Variants in FSHR observed in about 807,000 individuals in gnomAD.
The protein encoded by FSHR is follicle-stimulating hormone receptor.
In FSHR, 46 loss-of-function variants were observed where a neutral mutation model predicts 52.1. The observed-to-expected ratio is 0.88, with a 90% CI of 0.70 to 1.13. The LOEUF (loss-of-function observed/expected upper bound fraction) is 1.13. FSHR is among the 50% of genes most tolerant of loss of function. The pLI is 0.00. For synonymous variants in FSHR, 399 were observed against 309.6 expected (o/e 1.29, Z -3.03); for missense variants, 964 against 834.6 (o/e 1.16, Z -1.91).
At chr2:49,150,649 A>G (rs148779737) in intron 1 of FSHR, among the ~76,000 whole-genome samples, 1 of 151,982 alleles carries the variant, frequency 6.6e-6, no homozygotes, top group Non-Finnish European at 1.5e-5. Flanking sequence ...CAGGTCTCTC[A>G]GATTCTAAAC....
rs114341542 is a variant in FSHR at position 48,992,548 on chromosome 2, G to A, written c.375-1911C>T. On this transcript the variant is annotated intron_variant, in intron 4 of 9. Coordinates refer to ENST00000406846, the MANE Select transcript of FSHR (RefSeq NM_000145.4). Reference sequence around the variant, plus strand: ...CTATCTCTTCAGTGCCTCTTTCAGCGATACGAAGTTAAAACCAGGTACTGT... The same window carrying A: ...CTATCTCTTCAGTGCCTCTTTCAGCAATACGAAGTTAAAACCAGGTACTGT... Among the ~76,000 whole-genome samples, 675 of 152,264 alleles carry A rather than the reference G, an allele frequency of 4.4e-3. 5 individuals carry two copies. Among genetic ancestry groups the A allele is most frequent in the African/African-American group, 0.015 (617 of 41,530 alleles).
chr2:49,117,718 C>T (rs565931501), intron 1 of FSHR, among the ~76,000 whole-genome samples: 1 of 152,296 alleles, frequency 6.6e-6, no homozygotes, highest in South Asian at 2.1e-4. Flanking sequence ...AACCTCTTCA[C>T]TCCTGCCTCG....
Position 49,073,601 on chromosome 2 carries a change from G to A in FSHR, c.153-5311C>T, listed in dbSNP as rs947060138. 6.6e-5 allele frequency among the ~76,000 whole-genome samples: 10 copies of A among 152,088 alleles called. No homozygotes were observed. The South Asian group carries it at 1.9e-3, about 28-fold the overall frequency. On this transcript the variant is annotated intron_variant, in intron 1 of 9. Coordinates refer to ENST00000406846, the MANE Select transcript of FSHR (RefSeq NM_000145.4). ...TTCATGGATCAGAATAATTAATATTGTTAAAATGACTATACCACCCAAAGC... is the reference window on the plus strand; with the variant it reads ...TTCATGGATCAGAATAATTAATATTATTAAAATGACTATACCACCCAAAGC...
chr2:49,015,217 T>C (rs995438888), intron 4 of FSHR, among the ~76,000 whole-genome samples: 3 of 152,142 alleles, frequency 2.0e-5, no homozygotes, highest in South Asian at 4.1e-4. Flanking sequence ...GAATTCATAG[T>C]TTTTCATATA....
chr2:49,027,850 CAAAAAAAAAAAAA>C (rs397868435), intron 2 of FSHR, among the ~76,000 whole-genome samples: 2 of 49,974 alleles, frequency 4.0e-5, no homozygotes, highest in African/African-American at 1.4e-4. Flanking sequence ...ACTCTTTCTC[CAAAAAAAAAAAAA>C]AAAAAAAAAG....
intron 1 of FSHR, among the ~76,000 whole-genome samples, chr2:49,130,673 A>G (rs1672232098): frequency 1.3e-5 from 2 of 152,212 alleles, no homozygotes; most frequent in South Asian, 4.1e-4. Flanking sequence ...TAGTGGAGAG[A>G]AAATAAGATA....
chr2:49,040,781 G>A (rs1204514472), intron 2 of FSHR, among the ~76,000 whole-genome samples: 1 of 152,110 alleles, frequency 6.6e-6, no homozygotes, highest in East Asian at 1.9e-4. Context: ...ATGATAAAAG[G>A]GACTGTAAAA....
In FSHR at chr2:48,983,185, TAAA is replaced by T. The variant is rs1328575153; in HGVS notation, c.525-22_525-20del. The T allele has an allele frequency of 1.2e-6, 2 of 1,609,774 alleles. No individual in the cohort carries two copies. Among genetic ancestry groups the T allele is most frequent in the African/African-American group, 2.7e-5 (2 of 74,800 alleles). ...CAGCCATCTGAAATAAAAGGCCTAT[TAAA>T]AAACCAATAATGTCAGATGCAAACA... is the stretch of plus-strand genomic sequence containing the variant. On this transcript the variant is annotated intron_variant, in intron 6 of 9. Coordinates refer to ENST00000406846, the MANE Select transcript of FSHR (RefSeq NM_000145.4).
At chr2:49,062,801 A>G (rs925725650) in intron 2 of FSHR, among the ~76,000 whole-genome samples, 1 of 152,164 alleles carries the variant, frequency 6.6e-6, no homozygotes, top group Admixed American at 6.6e-5. Context: ...AGGCATATGA[A>G]AAAACTGTTC....
rs114528248 is a variant in FSHR, at chr2:48,963,411, G to A, written c.1410C>T (p.Thr470=). The part of the protein sequence containing the change: ...LTAITLERWH[T]ITHAMQLDCK... The stretch of plus-strand genomic sequence containing the variant: ...AGTCCAGCTGCATGGCATGCGTGAT[G>A]GTATGCCATCTTTCCAAGGTGATAG... The change falls in exon 10 of 10, where the codon ACC becomes ACT. Residue 470 remains threonine, a synonymous_variant. Transcript: ENST00000406846. The A allele has an allele frequency of 6.2e-7, 1 of 1,614,108 alleles. No homozygotes were observed. Among genetic ancestry groups the A allele is most frequent in the East Asian group, 2.2e-5 (1 of 44,866 alleles).
chr2:49,031,276 T>C (rs115870673), intron 2 of FSHR, among the ~76,000 whole-genome samples: 1 of 152,222 alleles, frequency 6.6e-6, no homozygotes, highest in Non-Finnish European at 1.5e-5. Context: ...TTGATGTGTA[T>C]AATTTAATTG....
intron 4 of FSHR, among the ~76,000 whole-genome samples, chr2:48,994,396 T>C (rs541932995): frequency 3.3e-5 from 5 of 152,286 alleles, no homozygotes; most frequent in African/African-American, 1.2e-4. Context: ...CAGATGCACA[T>C]TGAGATCTTT....
intron 1 of FSHR, among the ~76,000 whole-genome samples, chr2:49,085,950 A>T (rs1314230459): frequency 1.5e-5 from 2 of 133,266 alleles, no homozygotes; most frequent in Non-Finnish European, 3.1e-5. Flanking sequence ...AACATCACAC[A>T]CTGGGGCCTG....
chr2:49,153,424 GAAAACAAAAC>G lies in FSHR; in HGVS notation c.152+832_152+841del, dbSNP rs70946851. Among the ~76,000 whole-genome samples the G allele has an allele frequency of 8.9e-4, 135 of 151,508 alleles. 1 individual carries two copies. The highest frequency in any genetic ancestry group is 3.1e-3 in the African/African-American group (128 of 41,348). ...AATGGAGTCAGTCACAGTGGGTTGGGAAAACAAAACAAAACAAAACAAAACAGTAGACTGT... is the reference window on the plus strand; with the variant it reads ...AATGGAGTCAGTCACAGTGGGTTGGGAAAACAAAACAAAACAGTAGACTGT... On this transcript the variant is annotated intron_variant, in intron 1 of 9. Transcript: ENST00000406846.
At chr2:49,054,793 G>T (rs1284460448) in intron 2 of FSHR, among the ~76,000 whole-genome samples, 1 of 152,158 alleles carries the variant, frequency 6.6e-6, no homozygotes, top group Non-Finnish European at 1.5e-5. Context: ...TACAGAAAAA[G>T]AAATGACACA....
At chr2:49,012,181 T>A (rs1031360869) in intron 4 of FSHR, among the ~76,000 whole-genome samples, 3 of 152,100 alleles carry the variant, frequency 2.0e-5, no homozygotes, top group East Asian at 1.9e-4. Context: ...AAGAGAAACA[T>A]CCAGCTGCCT....
chr2:49,013,480 A>AT lies in FSHR; in HGVS notation c.374+4008_374+4009insA, dbSNP rs1667356761. 2.5e-5 allele frequency among the ~76,000 whole-genome samples: 3 copies of AT among 120,012 alleles called. No homozygotes were observed. The South Asian group carries it at 8.2e-4, about 33-fold the overall frequency. The allele number at this position is 120,012 out of a possible 152,430, so 78.7% of individuals were successfully genotyped here. On this transcript the variant is annotated intron_variant, in intron 4 of 9. Transcript: ENST00000406846. ...TATATATAAATATATATATATATAT[A>AT]AATAAATATATATATATATAAATAT...
chr2:48,993,733 C>T (rs1443890687), intron 4 of FSHR, among the ~76,000 whole-genome samples: 2 of 152,110 alleles, frequency 1.3e-5, no homozygotes, highest in African/African-American at 4.8e-5. Flanking sequence ...GCGTTTTAGC[C>T]CCTGTGGCTT....
intron 2 of FSHR, among the ~76,000 whole-genome samples, chr2:49,024,466 C>G (rs1396518388): frequency 6.6e-6 from 1 of 151,990 alleles, no homozygotes; most frequent in Non-Finnish European, 1.5e-5. Flanking sequence ...CCCAGCTACT[C>G]AGGAGGTTGA....
Sources: allele counts gnomAD v4.1 joint callset (sites outside exome capture counted in the v4.1 genomes callset), GRCh38; gene constraint gnomAD v4.1.1; transcripts MANE v1.5; gene names NCBI Gene and HGNC (gene_info 2026-07-23, HGNC 2026-07-21).